FAT3: variants seen among roughly 807,000 people sequenced by gnomAD.
FAT3 encodes protocadherin Fat 3.
A neutral mutation model predicts 310.2 loss-of-function variants in FAT3; 95 were observed. The ratio of observed to expected loss-of-function variants is 0.31; its 90% CI spans 0.26 to 0.36. The LOEUF (loss-of-function observed/expected upper bound fraction) is 0.36, where lower values mean the gene tolerates loss of function less well. Among genes scored for constraint, FAT3 ranks in the 10% least tolerant of loss-of-function variants. FAT3 has a pLI of 1.00. For missense variants in FAT3, 5,408 were observed against 5,715.6 expected (o/e 0.95, Z 1.74); for synonymous variants, 2,314 against 2,192.9 (o/e 1.06, Z -1.54).
chr11:92,248,113 A>T (rs1248812314), intron 1 of FAT3, among the ~76,000 whole-genome samples: 1 of 152,172 alleles, frequency 6.6e-6, no homozygotes, highest in Non-Finnish European at 1.5e-5. Context: ...AAAAGGAGTT[A>T]TCTTCCTATT....
At chr11:92,815,686 T>C (rs1293025039) in intron 13 of FAT3, among the ~76,000 whole-genome samples, 7 of 152,162 alleles carry the variant, frequency 4.6e-5, no homozygotes, top group African/African-American at 1.4e-4. Context: ...AGGTAGGCTA[T>C]TTAGTCAAAA....
In FAT3 at chr11:92,564,029, C is replaced by T. The variant is rs530279609; in HGVS notation, c.3607+39081C>T. 2.5e-3 allele frequency among the ~76,000 whole-genome samples: 378 copies of T among 151,984 alleles called. 2 individuals are homozygous for T. Among genetic ancestry groups the T allele is most frequent in the South Asian group, 0.015 (74 of 4,798 alleles). ...TCATAATGACAAGATCAAATTCACA[C>T]ATAACAATATTAAATTTAAATGTAA... On this transcript the variant is annotated intron_variant, in intron 3 of 27. Transcript: ENST00000525166.
At chr11:92,534,431 T>A (rs539282405) in intron 3 of FAT3, among the ~76,000 whole-genome samples, 1 of 152,276 alleles carries the variant, frequency 6.6e-6, no homozygotes, top group East Asian at 1.9e-4. Context: ...GCAAACTAAA[T>A]AAATAATTAA....
intron 2 of FAT3, among the ~76,000 whole-genome samples, chr11:92,470,539 G>T (rs1402337719): frequency 6.6e-6 from 1 of 152,106 alleles, no homozygotes; most frequent in African/African-American, 2.4e-5. Flanking sequence ...GATCTTAATT[G>T]TCTCATCTGT....
At chr11:92,748,277 C>T (rs1479985161) in intron 4 of FAT3, among the ~76,000 whole-genome samples, 1 of 152,090 alleles carries the variant, frequency 6.6e-6, no homozygotes, top group Admixed American at 6.6e-5. Flanking sequence ...TCCCATAAGA[C>T]TTACTCACTA....
At chr11:92,691,952 G>A (rs573546971) in intron 3 of FAT3, among the ~76,000 whole-genome samples, 2 of 152,124 alleles carry the variant, frequency 1.3e-5, no homozygotes, top group South Asian at 4.2e-4. Flanking sequence ...TTAATATGGT[G>A]CCTGGCACAT....
intron 2 of FAT3, among the ~76,000 whole-genome samples, chr11:92,442,111 A>ATATTTTTTTTTTTT (rs1453396603): frequency 1.1e-4 from 5 of 45,216 alleles, no homozygotes; most frequent in Admixed American, 9.0e-4. Flanking sequence ...ATATATATAT[A>ATATTTTTTTTTTTT]TTTTTTTTTT....
intron 12 of FAT3, among the ~76,000 whole-genome samples, chr11:92,807,729 C>T (rs995808925): frequency 5.9e-5 from 9 of 152,126 alleles, no homozygotes; most frequent in Non-Finnish European, 1.0e-4. Context: ...AACCTATAAG[C>T]CCTCAGATTT....
At chr11:92,275,423 C>T (rs1053891927) in intron 1 of FAT3, among the ~76,000 whole-genome samples, 3 of 151,672 alleles carry the variant, frequency 2.0e-5, no homozygotes, top group Non-Finnish European at 2.9e-5. Context: ...TTTCTAAATG[C>T]GAACAGGCCT....
At chr11:92,612,243 C>T (rs902455054) in intron 3 of FAT3, among the ~76,000 whole-genome samples, 5 of 152,154 alleles carry the variant, frequency 3.3e-5, no homozygotes, top group African/African-American at 7.2e-5. Flanking sequence ...ACAGAAATGA[C>T]AATTGGTCAC....
At chr11:92,386,895 T>C (rs946324859) in intron 2 of FAT3, among the ~76,000 whole-genome samples, 1 of 152,200 alleles carries the variant, frequency 6.6e-6, no homozygotes, top group Admixed American at 6.5e-5. Context: ...TCTTTTCCCA[T>C]TCCTTTTCAA....
chr11:92,729,877 G>T (rs1318978706), intron 4 of FAT3, among the ~76,000 whole-genome samples: 1 of 152,052 alleles, frequency 6.6e-6, no homozygotes. Flanking sequence ...ATACTCTTGA[G>T]ACTACAAGAC....
At chr11:92,316,258 G>A (rs193084955) in intron 1 of FAT3, among the ~76,000 whole-genome samples, 71 of 152,174 alleles carry the variant, frequency 4.7e-4, no homozygotes, top group Non-Finnish European at 9.0e-4. Context: ...CACTTGAAGC[G>A]CAGTAAATAC....
chr11:92,229,035 GAA>G (rs1157012927), intron 1 of FAT3, among the ~76,000 whole-genome samples: 1 of 152,194 alleles, frequency 6.6e-6, no homozygotes, highest in Admixed American at 6.5e-5. Flanking sequence ...AATTGGAATG[GAA>G]ATTTAAAAGA....
At chr11:92,836,544 GT>G (rs766175452) in intron 15 of FAT3, 21 bp from the exon 16 acceptor site, 16 of 1,610,292 alleles carry the variant, frequency 9.9e-6, no homozygotes, top group Non-Finnish European at 1.3e-5. Flanking sequence ...TCTTTTCTTT[GT>G]TTTGCTTGTT....
intron 2 of FAT3, among the ~76,000 whole-genome samples, chr11:92,427,280 G>A (rs527376359): frequency 6.6e-5 from 10 of 152,206 alleles, no homozygotes; most frequent in South Asian, 2.1e-4. Flanking sequence ...GGGCTAAGAC[G>A]ATGGAGTTTT....
intron 1 of FAT3, among the ~76,000 whole-genome samples, chr11:92,248,320 G>C (rs1865007600): frequency 6.6e-6 from 1 of 152,034 alleles, no homozygotes; most frequent in Admixed American, 6.6e-5. Flanking sequence ...TTTAGTATTT[G>C]AATCAACACA....
intron 3 of FAT3, among the ~76,000 whole-genome samples, chr11:92,660,311 A>T (rs1212273068): frequency 6.6e-6 from 1 of 152,102 alleles, no homozygotes; most frequent in Non-Finnish European, 1.5e-5. Context: ...CTTTAAATGC[A>T]TGAAATAGAT....
chr11:92,442,081 T>TATATATATATATATA (rs1555047741), intron 2 of FAT3, among the ~76,000 whole-genome samples: 2 of 69,986 alleles, frequency 2.9e-5, no homozygotes, highest in African/African-American at 1.6e-4. Context: ...AATATATATT[T>TATATATATATATATA]TATATATATA....
Sources: gnomAD v4.1 joint callset for allele counts (sites outside exome capture counted in the v4.1 genomes callset) on GRCh38, gnomAD v4.1.1 for gene constraint, MANE v1.5 for transcripts, NCBI Gene and HGNC (gene_info 2026-07-23, HGNC 2026-07-21) for gene names.